Variants in TCF4 observed in about 807,000 individuals in gnomAD.
The protein encoded by TCF4 is transcription factor 4, also known as SL3-3 enhancer factor 2.
In TCF4, 3 loss-of-function variants were observed where a neutral mutation model predicts 82.1. That is an observed-to-expected ratio of 0.04 (90% CI 0.02 to 0.09). The LOEUF (loss-of-function observed/expected upper bound fraction) is 0.09. Among genes scored for constraint, TCF4 ranks in the 10% least tolerant of loss-of-function variants. The probability of loss-of-function intolerance (pLI) is 1.00; values close to 1 mark genes in which losing one functional copy is unlikely to be tolerated. For synonymous variants in TCF4, 276 were observed against 309.6 expected (o/e 0.89, Z 1.14); for missense variants, 518 against 852.7 (o/e 0.61, Z 4.89).
In TCF4 at chr18:55,353,279, ATTG is replaced by A. The variant is rs1305768663; in HGVS notation, c.370-2279_370-2277del. Among the ~76,000 whole-genome samples, 4 of 152,282 alleles carry A rather than the reference ATTG, an allele frequency of 2.6e-5. No homozygotes were observed. In the South Asian group the frequency reaches 6.2e-4, roughly 24 times the overall value. On this transcript the variant is annotated intron_variant, in intron 6 of 19. Transcript: ENST00000354452. The stretch of plus-strand genomic sequence containing the variant: ...ACAGCTACAGGCTGTGGTTGACCTT[ATTG>A]TTGTTAACTTAAAAGAAAATAATTT...
exon 2 of TCF4, chr18:55,631,383 C>A (rs1168361909): frequency 6.5e-7 from 1 of 1,547,554 alleles, no homozygotes; most frequent in Non-Finnish European, 8.7e-7. Context: ...GTTTACAAAA[C>A]ATTTGCTGCA....
intron 3 of TCF4, among the ~76,000 whole-genome samples, chr18:55,540,472 G>A (rs1002987195): frequency 4.6e-5 from 7 of 152,012 alleles, no homozygotes; most frequent in Non-Finnish European, 1.0e-4. Flanking sequence ...CTTCATTACA[G>A]AGAAATATAA....
chr18:55,461,663 A>T (rs751718516), intron 4 of TCF4, among the ~76,000 whole-genome samples: 5 of 152,186 alleles, frequency 3.3e-5, no homozygotes, highest in Non-Finnish European at 7.4e-5. Context: ...TTAACACATA[A>T]GAAAGTTAAG....
intron 3 of TCF4, among the ~76,000 whole-genome samples, chr18:55,489,827 T>C (rs1433712949): frequency 6.6e-6 from 1 of 152,038 alleles, no homozygotes; most frequent in Non-Finnish European, 1.5e-5. Context: ...CACGAACACC[T>C]AAGCACATGT....
chr18:55,294,743 A>G (rs1376311204), intron 8 of TCF4, among the ~76,000 whole-genome samples: 2 of 152,026 alleles, frequency 1.3e-5, no homozygotes, highest in African/African-American at 4.8e-5. Context: ...GACTTGCTAT[A>G]TTTATCTACA....
chr18:55,538,684 G>C (rs1384199382), intron 3 of TCF4, among the ~76,000 whole-genome samples: 2 of 152,174 alleles, frequency 1.3e-5, no homozygotes, highest in Admixed American at 6.5e-5. Flanking sequence ...AAGGGAAACA[G>C]AACAATTATA....
chr18:55,404,975 C>G (rs1048500644), intron 5 of TCF4, among the ~76,000 whole-genome samples: 1 of 152,230 alleles, frequency 6.6e-6, no homozygotes, highest in Non-Finnish European at 1.5e-5. Context: ...AATCAATGCC[C>G]CATATCAGTT....
rs1569451746 is a variant in TCF4, at chr18:55,422,433, T to TA, written c.305-18916dup. The TA allele has an allele frequency of 7.7e-5, 75 of 979,826 alleles. No individual in the cohort carries two copies. The South Asian group carries it at 1.4e-3, about 19-fold the overall frequency. 60.7% of individuals were successfully genotyped at this position (979,826 alleles called of 1,614,324 possible). ...GGGTTTGGGGGGTTTTTTTTAATAT[T>TA]AAAAAAAAAGTTTGCCAGAAATTCT... On this transcript the variant is annotated intron_variant, in intron 5 of 19. Coordinates refer to ENST00000354452, the MANE Select transcript of TCF4 (RefSeq NM_001083962.2).
intron 3 of TCF4, among the ~76,000 whole-genome samples, chr18:55,533,239 T>C (rs1193992470): frequency 6.6e-6 from 1 of 152,174 alleles, no homozygotes; most frequent in African/African-American, 2.4e-5. Context: ...CTGCAGGGCA[T>C]GCAACCCACC....
intron 15 of TCF4, among the ~76,000 whole-genome samples, chr18:55,248,495 C>T (rs961323075): frequency 1.3e-5 from 2 of 152,194 alleles, no homozygotes; most frequent in African/African-American, 2.4e-5. Flanking sequence ...ACTGCCACAT[C>T]ACATCAATGC....
intron 5 of TCF4, chr18:55,422,386 A>G: frequency 2.0e-6 from 2 of 985,258 alleles, no homozygotes; most frequent in South Asian, 9.4e-5. Flanking sequence ...GAAAGGGAAA[A>G]GGAAAGAAGG....
intron 3 of TCF4, among the ~76,000 whole-genome samples, chr18:55,527,733 C>T (rs969317435): frequency 2.0e-5 from 3 of 152,144 alleles, no homozygotes; most frequent in African/African-American, 7.2e-5. Flanking sequence ...CGATGTATAT[C>T]CAACTTGAAA....
intron 13 of TCF4, 77 bp from the exon 14 acceptor site, chr18:55,257,468 T>G: frequency 7.2e-7 from 1 of 1,394,652 alleles, no homozygotes; most frequent in Non-Finnish European, 1.0e-6. Flanking sequence ...AACAGTCCTT[T>G]TGGAAATGGC....
At chr18:55,635,717 T>C in exon 1 of TCF4, 1 of 1,549,992 alleles carries the variant, frequency 6.5e-7, no homozygotes, top group South Asian at 1.2e-5. Flanking sequence ...AAGGGCCTCC[T>C]GGAGAAGCTC....
At chr18:55,613,346 A>G (rs2097708962) in intron 2 of TCF4, among the ~76,000 whole-genome samples, 1 of 151,786 alleles carries the variant, frequency 6.6e-6, no homozygotes, top group Non-Finnish European at 1.5e-5. Flanking sequence ...TTTTTTTTGG[A>G]ATTTTATACA....
chr18:55,444,817 C>T (rs747241278), intron 5 of TCF4, among the ~76,000 whole-genome samples: 1 of 152,192 alleles, frequency 6.6e-6, no homozygotes, highest in Non-Finnish European at 1.5e-5. Flanking sequence ...GAACTGACCA[C>T]CTTAATCCCC....
chr18:55,564,352 G>A (rs573353583), intron 3 of TCF4, among the ~76,000 whole-genome samples: 2 of 152,220 alleles, frequency 1.3e-5, no homozygotes, highest in East Asian at 3.8e-4. Flanking sequence ...AGCATGCTCT[G>A]TTTGACTTTC....
Position 55,588,054 on chromosome 18 carries a change from G to A in TCF4, c.-37C>T, listed in dbSNP as rs796053409. On this transcript the variant is annotated 5_prime_UTR_variant, in exon 1 of 20. Transcript: ENST00000354452. ...GGTACCTACCGCCCGCGCGCGAGAA[G>A]GGGCTCTCCGTGCACCGCCGGCGCC... The A allele has an allele frequency of 6.1e-6, 6 of 985,006 alleles. No homozygotes were observed. In the South Asian group the frequency reaches 1.8e-4, roughly 30 times the overall value. 61.0% of individuals were successfully genotyped at this position (985,006 alleles called of 1,614,324 possible). A position where few individuals can be genotyped will look rare whatever the true frequency, so the allele number is the denominator to read the frequency against.
chr18:55,539,794 C>A (rs2097149541), intron 3 of TCF4, among the ~76,000 whole-genome samples: 1 of 151,886 alleles, frequency 6.6e-6, no homozygotes, highest in Admixed American at 6.6e-5. Context: ...AAATAGAACA[C>A]CAATAAATTA....
Sources: gnomAD v4.1 joint callset for allele counts (sites outside exome capture counted in the v4.1 genomes callset) on GRCh38, gnomAD v4.1.1 for gene constraint, MANE v1.5 for transcripts, NCBI Gene and HGNC (gene_info 2026-07-23, HGNC 2026-07-21) for gene names.